EXOSC1: variants seen among roughly 807,000 people sequenced by gnomAD.
EXOSC1 encodes exosome component 1.
In EXOSC1, 27 loss-of-function variants were observed where a neutral mutation model predicts 31.4. That is an observed-to-expected ratio of 0.86 (90% CI 0.63 to 1.18). EXOSC1 has a LOEUF of 1.18. Among genes scored for constraint, EXOSC1 ranks in the 50% most tolerant of loss-of-function variants. The pLI is 0.00. For synonymous variants in EXOSC1, 84 were observed against 89.5 expected (o/e 0.94, Z 0.35); for missense variants, 228 against 250.3 (o/e 0.91, Z 0.60).
chr10:97,445,029 C>G (rs1055938389), intron 2 of EXOSC1: 1 of 152,120 alleles, frequency 6.6e-6, no homozygotes, highest in Admixed American at 6.6e-5. Flanking sequence ...AGTGTCTCAT[C>G]ATATGCTGAC....
Position 97,440,934 on chromosome 10 carries a change from G to C in EXOSC1, c.311+237C>G, listed in dbSNP as rs1293737049. 6 of 335,588 alleles carry C rather than the reference G, an allele frequency of 1.8e-5. No individual in the cohort carries two copies. The East Asian group carries it at 3.7e-4, about 21-fold the overall frequency. 20.8% of individuals were successfully genotyped at this position (335,588 alleles called of 1,614,324 possible). On this transcript the variant is annotated intron_variant, in intron 4 of 7. Coordinates refer to ENST00000370902, the MANE Select transcript of EXOSC1 (RefSeq NM_016046.5). ...CTCAAAGTGCTAGGATAACAGGCGT[G>C]AGCCACCGCGCCCAGCCTTTGCTTT... is the stretch of plus-strand genomic sequence containing the variant.
chr10:97,445,692 A>G, intron 2 of EXOSC1, 40 bp downstream of exon 2: 1 of 1,594,338 alleles, frequency 6.3e-7, no homozygotes, highest in East Asian at 2.2e-5. Flanking sequence ...GGGCAGCCTA[A>G]GGGAAAAACA....
rs397846677 is a variant in EXOSC1, at chr10:97,440,515, A to AT, written c.311+655dup. ...AGGCACGCACCACCATGCCCAGCTA[A>AT]TTTTTTTTTTTTTTTTTTTTAAAGA... On this transcript the variant is annotated intron_variant, in intron 4 of 7. Coordinates refer to ENST00000370902, the MANE Select transcript of EXOSC1 (RefSeq NM_016046.5). Among the ~76,000 whole-genome samples, 492 of 124,258 alleles carry AT rather than the reference A, an allele frequency of 4.0e-3. 1 individual carries two copies. Among genetic ancestry groups the AT allele is most frequent in the Middle Eastern group, 8.8e-3 (2 of 226 alleles). The allele number at this position is 124,258 out of a possible 152,430, so 81.5% of individuals were successfully genotyped here. A position where few individuals can be genotyped will look rare whatever the true frequency, so the allele number is the denominator to read the frequency against.
Position 97,445,330 on chromosome 10 carries a change from G to C in EXOSC1, c.147+402C>G, listed in dbSNP as rs187974543. 2.2e-3 allele frequency: 396 copies of C among 179,252 alleles called. 1 individual carries two copies. Among genetic ancestry groups the C allele is most frequent in the African/African-American group, 8.7e-3 (369 of 42,390 alleles). 11.1% of individuals were successfully genotyped at this position (179,252 alleles called of 1,614,324 possible). ...AAAAAATTTTTAAAGGGCAAGCAGA[G>C]ACTGTGATTATAACTTTTAAACACA... is the stretch of plus-strand genomic sequence containing the variant. On this transcript the variant is annotated intron_variant, in intron 2 of 7. Coordinates refer to ENST00000370902, the MANE Select transcript of EXOSC1 (RefSeq NM_016046.5).
Position 97,445,753 on chromosome 10 carries a change from C to T in EXOSC1, c.126G>A (p.Met42Ile). The T allele has an allele frequency of 6.2e-7, 1 of 1,613,844 alleles. No homozygotes were observed. The highest frequency in any genetic ancestry group is 8.5e-7 in the Non-Finnish European group (1 of 1,179,780). The stretch of plus-strand genomic sequence containing the variant: ...TTACCGCGCCATTCTCGCTGCTCTT[C>T]ATCAGACAGCCGGCAAGCGACGAAA... ...YIFSSLAGCLMKSSENGALPV... is the reference protein window; with the variant it reads ...YIFSSLAGCLIKSSENGALPV... Residue 42 changes from methionine to isoleucine, a missense_variant, in exon 2 of 8, where the codon ATG becomes ATA. Physicochemically the swap from Met to Ile is conservative, Grantham distance 10. Transcript: ENST00000370902.
intron 5 of EXOSC1, among the ~76,000 whole-genome samples, chr10:97,438,412 A>G (rs1202659093): frequency 6.6e-6 from 1 of 151,884 alleles, no homozygotes; most frequent in African/African-American, 2.4e-5. Context: ...TCCTCCAGCC[A>G]CATCCTCTCA....
chr10:97,440,943 C>T (rs1206546769), intron 4 of EXOSC1: 6 of 363,380 alleles, frequency 1.7e-5, no homozygotes, highest in Admixed American at 1.3e-4. Flanking sequence ...TGAGCCACCG[C>T]GCCCAGCCTT....
At chr10:97,437,340 G>T in intron 6 of EXOSC1, 65 bp from the exon 7 acceptor site, 1 of 1,328,296 alleles carries the variant, frequency 7.5e-7, no homozygotes, top group Non-Finnish European at 1.1e-6. Context: ...TTAGCCACCT[G>T]AGTTGTTTTT....
At position 97,442,908 on chromosome 10, in the gene EXOSC1, C is replaced by A. The variant is rs183967276; in HGVS notation, c.222+329G>T. On this transcript the variant is annotated intron_variant, in intron 3 of 7. Coordinates refer to ENST00000370902, the MANE Select transcript of EXOSC1 (RefSeq NM_016046.5). The stretch of plus-strand genomic sequence containing the variant: ...GTTGGCCATGATTGGCCAGGCTGGT[C>A]TTGAACTCCTGACCACAGGTGATCT... 2.2e-4 allele frequency among the ~76,000 whole-genome samples: 34 copies of A among 152,280 alleles called. No homozygotes were observed. In the East Asian group the frequency reaches 6.2e-3, roughly 28 times the overall value.
intron 2 of EXOSC1, chr10:97,445,366 T>C (rs192998778): frequency 4.9e-5 from 11 of 222,508 alleles, no homozygotes; most frequent in Admixed American, 1.5e-4. Context: ...GAAAAGACAG[T>C]ATGACTAGAT....
chr10:97,440,828 T>C (rs1050021670), intron 4 of EXOSC1: 1 of 174,624 alleles, frequency 5.7e-6, no homozygotes, highest in African/African-American at 2.4e-5. Context: ...ATTTTTGTAT[T>C]TTTTACAGAG....
chr10:97,437,653 C>CT, intron 6 of EXOSC1, 47 bp downstream of exon 6: 1 of 1,588,372 alleles, frequency 6.3e-7, no homozygotes, highest in Non-Finnish European at 8.6e-7. Context: ...CGGCCTCCTT[C>CT]TCTTCTTTTG....
At position 97,435,929 on chromosome 10, in the gene EXOSC1, CA is replaced by C. The variant is rs984005503; in HGVS notation, c.*515del. Among the ~76,000 whole-genome samples, 11 of 152,310 alleles carry C rather than the reference CA, an allele frequency of 7.2e-5. No homozygotes were observed. The South Asian group carries it at 8.3e-4, about 11-fold the overall frequency. Reference sequence around the variant, plus strand: ...CGGCCTCCCAAAGTGCTGGGATTTACAAACATGAGCCACCATGCCTGCCTCA... The same window carrying C: ...CGGCCTCCCAAAGTGCTGGGATTTACAACATGAGCCACCATGCCTGCCTCA... On this transcript the variant is annotated 3_prime_UTR_variant, in exon 8 of 8. Transcript: ENST00000370902.
Position 97,441,253 on chromosome 10 carries a change from T to C in EXOSC1, c.229A>G (p.Ser77Gly). The C allele has an allele frequency of 1.9e-6, 3 of 1,613,850 alleles. No homozygotes were observed. Among genetic ancestry groups the C allele is most frequent in the Non-Finnish European group, 2.5e-6 (3 of 1,179,806 alleles). Residue 77 changes from serine (S) to glycine (G), a missense_variant, in exon 4 of 8, where the codon AGC becomes GGC. Ser to Gly is a moderately conservative substitution (Grantham distance 56, BLOSUM62 0). Transcript: ENST00000370902. Reference sequence around the variant, plus strand: ...ACTTTGGCAAAGCGTGAATTGATGCTAGAGACCTGCGGAATAGAGAAAAGA... The same window carrying C: ...ACTTTGGCAAAGCGTGAATTGATGCCAGAGACCTGCGGAATAGAGAAAAGA... The part of the protein sequence containing the change: ...VGAIVTCKVS[S>G]INSRFAKVHI...
chr10:97,440,575 A>G (rs2861955), intron 4 of EXOSC1, among the ~76,000 whole-genome samples: 72,282 of 149,820 alleles, frequency 0.48, 18,104 homozygotes, highest in African/African-American at 0.63. Flanking sequence ...CTGGAGTGCA[A>G]TGGCGCAATC....
chr10:97,442,611 C>T (rs192341013), intron 3 of EXOSC1, among the ~76,000 whole-genome samples: 116 of 152,308 alleles, frequency 7.6e-4, no homozygotes, highest in Middle Eastern at 6.8e-3. Context: ...TGGGCCCAAG[C>T]GATCTTCCTG....
intron 6 of EXOSC1, 94 bp downstream of exon 6, chr10:97,437,606 C>A: frequency 8.0e-7 from 1 of 1,244,380 alleles, no homozygotes; most frequent in South Asian, 1.2e-5. Context: ...CCCTGGCCTC[C>A]GAAAGTGCTG....
intron 5 of EXOSC1, among the ~76,000 whole-genome samples, chr10:97,438,148 A>G (rs1207718251): frequency 6.6e-6 from 1 of 151,646 alleles, no homozygotes; most frequent in Non-Finnish European, 1.5e-5. Flanking sequence ...TGAACTCCTG[A>G]CCTTGTGATC....
chr10:97,439,304 C>A (rs909409099), intron 4 of EXOSC1, among the ~76,000 whole-genome samples: 3 of 152,178 alleles, frequency 2.0e-5, no homozygotes, highest in Non-Finnish European at 2.9e-5. Flanking sequence ...CTTCTGGTGG[C>A]CTGTGAGGAA....
Sources: gnomAD v4.1 joint callset for allele counts (sites outside exome capture counted in the v4.1 genomes callset) on GRCh38, gnomAD v4.1.1 for gene constraint, MANE v1.5 for transcripts, NCBI Gene and HGNC (gene_info 2026-07-23, HGNC 2026-07-21) for gene names.